The following KLF12 variants were observed in gnomAD, a reference collection of about 807,000 sequenced individuals.
KLF12 encodes the protein KLF transcription factor 12, also known as Krueppel-like factor 12.
In KLF12, 9 loss-of-function variants were observed where a neutral mutation model predicts 37.8. The observed-to-expected ratio is 0.24, with a 90% CI of 0.14 to 0.42. KLF12 has a LOEUF of 0.42. Ranked by LOEUF, KLF12 falls within the 10% of genes least tolerant of loss-of-function variation. The pLI, the probability that KLF12 is intolerant of heterozygous loss-of-function variation, is 1.00. For synonymous variants in KLF12, 208 were observed against 202.1 expected, an observed-to-expected ratio of 1.03 and a Z score of -0.25; for missense variants, 411 against 516.0, an observed-to-expected ratio of 0.80 and a Z score of 1.97.
intron 1 of KLF12, among the ~76,000 whole-genome samples, chr13:74,092,561 T>G (rs1258319573): frequency 2.0e-5 from 3 of 151,190 alleles, no homozygotes; most frequent in Admixed American, 6.6e-5. Flanking sequence ...GAGGCAGAGG[T>G]TGCAGTGAGC....
chr13:74,109,285 T>C (rs889837506), intron 1 of KLF12, among the ~76,000 whole-genome samples: 3 of 152,026 alleles, frequency 2.0e-5, no homozygotes, highest in Non-Finnish European at 2.9e-5. Context: ...TAGAAAATTA[T>C]TGAAGGTAAG....
At chr13:74,176,469 C>T in the KLF12 span, among the ~76,000 whole-genome samples, 12 of 152,186 alleles carry the variant, frequency 7.9e-5, no homozygotes, top group Admixed American at 4.6e-4. Context: ...TCCTCACCTC[C>T]AATAACTTAT....
chr13:74,235,209 A>C, the KLF12 span, among the ~76,000 whole-genome samples: 1 of 152,208 alleles, frequency 6.6e-6, no homozygotes, highest in African/African-American at 2.4e-5. Context: ...TTGTTTGGAT[A>C]CTTGATATAA....
At chr13:74,064,829 T>C (rs1873811964) in intron 1 of KLF12, among the ~76,000 whole-genome samples, 1 of 152,212 alleles carries the variant, frequency 6.6e-6, no homozygotes. Context: ...GTGTGATTTG[T>C]ACAAAGTCAC....
At chr13:73,779,838 G>C (rs186709278) in intron 5 of KLF12, among the ~76,000 whole-genome samples, 395 of 152,314 alleles carry the variant, frequency 2.6e-3, no homozygotes, top group Middle Eastern at 0.017. Flanking sequence ...CAGGGAATTG[G>C]AGAATACATT....
the KLF12 span, among the ~76,000 whole-genome samples, chr13:74,292,859 C>T: frequency 1.3e-5 from 2 of 152,108 alleles, no homozygotes; most frequent in Non-Finnish European, 2.9e-5. Context: ...ATCTGTTTTG[C>T]TCTCTTGAGC....
At chr13:73,992,900 T>C (rs1210309884) in intron 2 of KLF12, among the ~76,000 whole-genome samples, 2 of 152,206 alleles carry the variant, frequency 1.3e-5, no homozygotes, top group African/African-American at 4.8e-5. Context: ...CAAACGCATC[T>C]ACAATGGATA....
intron 6 of KLF12, among the ~76,000 whole-genome samples, chr13:73,735,830 TC>T (rs1372013354): frequency 6.6e-6 from 1 of 151,946 alleles, no homozygotes; most frequent in Non-Finnish European, 1.5e-5. Context: ...AAAAACTGAG[TC>T]TAAGGGAGAG....
chr13:73,992,092 G>A (rs1230976911), intron 2 of KLF12, among the ~76,000 whole-genome samples: 1 of 152,208 alleles, frequency 6.6e-6, no homozygotes, highest in Non-Finnish European at 1.5e-5. Context: ...CTGATAAGCT[G>A]GACTAATGTA....
At chr13:73,951,706 C>G (rs1342815693) in intron 2 of KLF12, among the ~76,000 whole-genome samples, 1 of 152,186 alleles carries the variant, frequency 6.6e-6, no homozygotes, top group African/African-American at 2.4e-5. Context: ...CAGCAGGTGC[C>G]TCTAACCACT....
chr13:74,050,967 T>G (rs966721014), intron 1 of KLF12, among the ~76,000 whole-genome samples: 1 of 152,126 alleles, frequency 6.6e-6, no homozygotes. Context: ...ATCAGGGAAG[T>G]GCAAACTAAA....
In KLF12 at chr13:73,691,916, T is replaced by C. The variant is rs1443878664; in HGVS notation, c.*3574A>G. ...TGAACCATAATGAAAACGGCCTTTCTAATCACCTGGAACTGGCATTTGTAA... is the reference window on the plus strand; with the variant it reads ...TGAACCATAATGAAAACGGCCTTTCCAATCACCTGGAACTGGCATTTGTAA... On this transcript the variant is annotated 3_prime_UTR_variant, in exon 8 of 8. Coordinates refer to ENST00000377669, the MANE Select transcript of KLF12 (RefSeq NM_007249.5). The C allele has an allele frequency of 6.6e-6, 1 of 152,630 alleles. No individual in the cohort carries two copies. Among genetic ancestry groups the C allele is most frequent in the African/African-American group, 2.4e-5 (1 of 41,464 alleles). The allele number at this position is 152,630 out of a possible 1,614,324, so 9.5% of individuals were successfully genotyped here. A position where few individuals can be genotyped will look rare whatever the true frequency, so the allele number is the denominator to read the frequency against.
intron 1 of KLF12, among the ~76,000 whole-genome samples, chr13:74,026,510 AG>A (rs1174666081): frequency 6.6e-6 from 1 of 152,216 alleles, no homozygotes; most frequent in Non-Finnish European, 1.5e-5. Flanking sequence ...AAAATAAGGA[AG>A]GAACAGTTTT....
rs542360256 is a variant in KLF12 at position 73,978,239 on chromosome 13, T to C, written c.33+16751A>G. On this transcript the variant is annotated intron_variant, in intron 2 of 7. Transcript: ENST00000377669. ...AAAGACACATCTGTAAAGACCGTTA[T>C]CCAAAATATGCAAAGAACGCAAAGT... is the stretch of plus-strand genomic sequence containing the variant. Among the ~76,000 whole-genome samples the C allele has an allele frequency of 3.4e-4, 52 of 151,748 alleles. No individual in the cohort carries two copies. The South Asian group carries it at 3.5e-3, about 10-fold the overall frequency.
chr13:74,007,370 C>G (rs974231020), intron 1 of KLF12, among the ~76,000 whole-genome samples: 1 of 151,890 alleles, frequency 6.6e-6, no homozygotes, highest in Non-Finnish European at 1.5e-5. Flanking sequence ...CCATCCCCCC[C>G]GGGTTCACGT....
chr13:73,829,900 A>C (rs1053494332), intron 4 of KLF12, among the ~76,000 whole-genome samples: 1 of 152,244 alleles, frequency 6.6e-6, no homozygotes, highest in Admixed American at 6.5e-5. Flanking sequence ...TGGCTTATTT[A>C]GACTTGTAAA....
chr13:73,822,235 A>T (rs1025296909), intron 4 of KLF12, among the ~76,000 whole-genome samples: 5 of 152,218 alleles, frequency 3.3e-5, no homozygotes, highest in African/African-American at 7.2e-5. Context: ...TTAAATTTCT[A>T]TTATTCTCTG....
chr13:73,764,050 AAATT>A (rs1205800462), intron 6 of KLF12, among the ~76,000 whole-genome samples: 2 of 152,178 alleles, frequency 1.3e-5, no homozygotes, highest in Admixed American at 6.5e-5. Flanking sequence ...TTTAGGAATA[AAATT>A]AATTTGGAAG....
chr13:74,005,961 T>C (rs1337545003), intron 1 of KLF12, among the ~76,000 whole-genome samples: 1 of 152,200 alleles, frequency 6.6e-6, no homozygotes. Flanking sequence ...CTCAGGGTGC[T>C]TCCCTTCCTG....
Sources: allele counts gnomAD v4.1 joint callset (sites outside exome capture counted in the v4.1 genomes callset), GRCh38; gene constraint gnomAD v4.1.1; transcripts MANE v1.5; gene names NCBI Gene and HGNC (gene_info 2026-07-23, HGNC 2026-07-21).